The following TMED3 variants were observed in gnomAD, a reference collection of about 807,000 sequenced individuals.
The protein encoded by TMED3 is transmembrane emp24 domain-containing protein 3.
A neutral mutation model predicts 15.0 loss-of-function variants in TMED3; 9 were observed. That is an observed-to-expected ratio of 0.60 (90% CI 0.36 to 1.04). The LOEUF is 1.04. Among genes scored for constraint, TMED3 ranks in the 50% least tolerant of loss-of-function variants. The probability of loss-of-function intolerance (pLI) is 0.01; values close to 1 mark genes in which losing one functional copy is unlikely to be tolerated. For missense variants in TMED3, 267 were observed against 278.9 expected (o/e 0.96, Z 0.30); for synonymous variants, 117 against 121.4 (o/e 0.96, Z 0.24).
At chr15:79,376,657 T>A (rs1313435896) in intron 2 of TMED3, among the ~76,000 whole-genome samples, 2 of 152,258 alleles carry the variant, frequency 1.3e-5, no homozygotes, top group East Asian at 3.8e-4. Flanking sequence ...CTTTCATTAA[T>A]GTCTCTAAAA....
intron 2 of TMED3, among the ~76,000 whole-genome samples, chr15:79,381,171 G>A (rs931880350): frequency 1.3e-5 from 2 of 152,098 alleles, no homozygotes; most frequent in East Asian, 3.9e-4. Flanking sequence ...GATGCTCACT[G>A]GTATAGAGTC....
Position 79,322,092 on chromosome 15 carries a change from C to A in TMED3, c.532C>A (p.Arg178=). 1 of 1,614,220 alleles carries A rather than the reference C, an allele frequency of 6.2e-7. No homozygotes were observed. Among genetic ancestry groups the A allele is most frequent in the East Asian group, 2.2e-5 (1 of 44,872 alleles). Residue 178 remains arginine (R), a synonymous_variant, in exon 3 of 3, where the codon CGA becomes AGA. Transcript: ENST00000299705. Reference sequence around the variant, plus strand: ...GGCCCGAGCAGAAGACCTTAATAGCCGAGTCTCTTACTGGTCTGTTGGCGA... The same window carrying A: ...GGCCCGAGCAGAAGACCTTAATAGCAGAGTCTCTTACTGGTCTGTTGGCGA... ...DRARAEDLNS[R]VSYWSVGETI... is the part of the protein sequence containing the mutation.
chr15:79,347,655 C>A (rs566565937), intron 2 of TMED3, among the ~76,000 whole-genome samples: 3 of 152,214 alleles, frequency 2.0e-5, no homozygotes, highest in African/African-American at 7.2e-5. Flanking sequence ...CTCAAAAGCC[C>A]CTTATACTAA....
chr15:79,353,446 T>C (rs1465424566), intron 2 of TMED3, among the ~76,000 whole-genome samples: 1 of 138,560 alleles, frequency 7.2e-6, no homozygotes, highest in Non-Finnish European at 1.5e-5. Context: ...AAACCAACAA[T>C]AGCTAGTTAG....
chr15:79,348,518 AT>A (rs2058879591), intron 2 of TMED3, among the ~76,000 whole-genome samples: 1 of 152,220 alleles, frequency 6.6e-6, no homozygotes, highest in South Asian at 2.1e-4. Context: ...TATTTCAACA[AT>A]GAAATTTTAA....
At chr15:79,371,431 G>GA (rs112890319) in intron 2 of TMED3, among the ~76,000 whole-genome samples, 4 of 151,828 alleles carry the variant, frequency 2.6e-5, no homozygotes, top group South Asian at 4.2e-4. Flanking sequence ...CTGCTGCCCT[G>GA]AAAAAAAACC....
chr15:79,377,802 G>A (rs545333845), intron 2 of TMED3, among the ~76,000 whole-genome samples: 21 of 152,026 alleles, frequency 1.4e-4, no homozygotes, highest in East Asian at 1.9e-4. Context: ...GCCCGCCACC[G>A]CGCCGGGCCA....
chr15:79,367,523 A>G (rs1341135029), intron 2 of TMED3, among the ~76,000 whole-genome samples: 3 of 152,152 alleles, frequency 2.0e-5, no homozygotes, highest in Admixed American at 2.0e-4. Context: ...GGTCTTTTCT[A>G]ACACTCTCTT....
At chr15:79,342,788 C>T (rs1195328241) in intron 2 of TMED3, among the ~76,000 whole-genome samples, 3 of 152,164 alleles carry the variant, frequency 2.0e-5, no homozygotes, top group Non-Finnish European at 2.9e-5. Context: ...CCCTGCTTAG[C>T]ACTGGGGAGA....
rs892347794 is a variant in TMED3 at position 79,394,236 on chromosome 15, G to GA, written c.418-17160dup. On this transcript the variant is annotated intron_variant, in intron 2 of 2. Coordinates refer to the TMED3 transcript ENST00000424155. ...TCCCAAGTCTCTAAAAAGCTCATTCGAAAAGGCATACTTTAAAAGGGTTTA... is the reference window on the plus strand; with the variant it reads ...TCCCAAGTCTCTAAAAAGCTCATTCGAAAAAGGCATACTTTAAAAGGGTTTA... Among the ~76,000 whole-genome samples, 15 of 152,206 alleles carry GA rather than the reference G, an allele frequency of 9.9e-5. No homozygotes were observed. The South Asian group carries it at 2.9e-3, about 29-fold the overall frequency.
At chr15:79,409,009 G>A (rs898643592) in intron 2 of TMED3, among the ~76,000 whole-genome samples, 2 of 152,182 alleles carry the variant, frequency 1.3e-5, no homozygotes, top group Non-Finnish European at 1.5e-5. Context: ...GTTAATTTAA[G>A]TACAGAGCTT....
chr15:79,345,484 C>CT (rs2058867212), intron 2 of TMED3, among the ~76,000 whole-genome samples: 1 of 152,144 alleles, frequency 6.6e-6, no homozygotes, highest in African/African-American at 2.4e-5. Flanking sequence ...TGATCTTGTT[C>CT]TTTTTCTGGC....
chr15:79,333,722 A>G (rs561476254), intron 2 of TMED3, among the ~76,000 whole-genome samples: 24 of 152,246 alleles, frequency 1.6e-4, no homozygotes, highest in African/African-American at 5.8e-4. Context: ...TGGCTTGGCT[A>G]CCTTTTTTCA....
chr15:79,410,431 A>T (rs1285380760), intron 2 of TMED3, among the ~76,000 whole-genome samples: 1 of 152,130 alleles, frequency 6.6e-6, no homozygotes, highest in Non-Finnish European at 1.5e-5. Context: ...TGGGGAGAGC[A>T]CTTGGAGGGG....
At chr15:79,380,924 T>C (rs1186715799) in intron 2 of TMED3, among the ~76,000 whole-genome samples, 1 of 152,196 alleles carries the variant, frequency 6.6e-6, no homozygotes, top group Non-Finnish European at 1.5e-5. Context: ...CTGCAGTTTT[T>C]TTACAGCTCA....
chr15:79,371,354 AC>A, intron 2 of TMED3, among the ~76,000 whole-genome samples: 1 of 152,296 alleles, frequency 6.6e-6, no homozygotes, highest in South Asian at 2.1e-4. Flanking sequence ...TTTTTGAGTG[AC>A]AGTGAGACGT....
chr15:79,377,035 T>C (rs1049881552), intron 2 of TMED3, among the ~76,000 whole-genome samples: 3 of 152,176 alleles, frequency 2.0e-5, no homozygotes, highest in Non-Finnish European at 4.4e-5. Context: ...ATTGCCACTT[T>C]GGGAAGAACT....
At chr15:79,336,369 A>G (rs535538304) in intron 2 of TMED3, among the ~76,000 whole-genome samples, 3 of 152,236 alleles carry the variant, frequency 2.0e-5, no homozygotes, top group African/African-American at 7.2e-5. Flanking sequence ...AAAACAAACT[A>G]CATTAGGGCT....
At chr15:79,396,748 A>G (rs1392127545) in intron 2 of TMED3, among the ~76,000 whole-genome samples, 1 of 152,256 alleles carries the variant, frequency 6.6e-6, no homozygotes, top group Non-Finnish European at 1.5e-5. Context: ...GCCTGAAGTG[A>G]GACTTCAGGC....
Sources: gnomAD v4.1 joint callset for allele counts (sites outside exome capture counted in the v4.1 genomes callset) on GRCh38, gnomAD v4.1.1 for gene constraint, MANE v1.5 for transcripts, NCBI Gene and HGNC (gene_info 2026-07-23, HGNC 2026-07-21) for gene names.